Variants in CSTPP1 observed in about 807,000 individuals in gnomAD.
The protein encoded by CSTPP1 is centriolar satellite-associated tubulin polyglutamylase complex regulator 1.
chr11:47,060,522 C>T, the CSTPP1 span, among the ~76,000 whole-genome samples: 60 of 152,136 alleles, frequency 3.9e-4, 3 homozygotes, highest in African/African-American at 1.3e-3. Flanking sequence ...AGGTGTGAGC[C>T]ACCACTCTCA....
At chr11:47,034,089 T>C in the CSTPP1 span, among the ~76,000 whole-genome samples, 3 of 151,316 alleles carry the variant, frequency 2.0e-5, no homozygotes, top group Non-Finnish European at 4.4e-5. Flanking sequence ...CCCTAGAACT[T>C]AAAGTATAAT....
chr11:47,158,885 C>T, the CSTPP1 span, among the ~76,000 whole-genome samples: 7 of 152,178 alleles, frequency 4.6e-5, no homozygotes, highest in Non-Finnish European at 7.3e-5. Context: ...CTTGGGATCC[C>T]AGGTGCCTGA....
the CSTPP1 span, chr11:47,160,783 A>G: frequency 6.4e-6 from 2 of 311,650 alleles, no homozygotes; most frequent in Non-Finnish European, 6.1e-6. Flanking sequence ...AGCCTGGACC[A>G]TATCCTTTTC....
chr11:47,005,187 A>T, the CSTPP1 span, among the ~76,000 whole-genome samples: 1 of 152,228 alleles, frequency 6.6e-6, no homozygotes, highest in Non-Finnish European at 1.5e-5. Flanking sequence ...ACTTTTTAAG[A>T]TAGTGGTTTT....
chr11:47,031,588 T>C, the CSTPP1 span, among the ~76,000 whole-genome samples: 1 of 152,062 alleles, frequency 6.6e-6, no homozygotes, highest in African/African-American at 2.4e-5. Flanking sequence ...TCCCAGCTAC[T>C]TGGGAGGCTG....
the CSTPP1 span, among the ~76,000 whole-genome samples, chr11:47,130,381 A>G: frequency 6.6e-6 from 1 of 152,110 alleles, no homozygotes; most frequent in Non-Finnish European, 1.5e-5. Context: ...ACTTTACCCC[A>G]CAGGTGTCAT....
the CSTPP1 span, among the ~76,000 whole-genome samples, chr11:47,069,624 G>A: frequency 1.3e-5 from 2 of 152,172 alleles, no homozygotes; most frequent in Admixed American, 6.5e-5. Flanking sequence ...GATATTTCAT[G>A]CTTTGAAGGA....
chr11:47,077,698 G>T, the CSTPP1 span, among the ~76,000 whole-genome samples: 3 of 152,142 alleles, frequency 2.0e-5, no homozygotes, highest in African/African-American at 4.8e-5. Context: ...GAAGGTAGTT[G>T]CAGGACAACA....
At chr11:47,087,348 T>G in the CSTPP1 span, among the ~76,000 whole-genome samples, 2 of 152,260 alleles carry the variant, frequency 1.3e-5, no homozygotes, top group African/African-American at 4.8e-5. Context: ...CTTAACCACC[T>G]GAGCCTTTTG....
the CSTPP1 span, chr11:47,155,659 C>T: frequency 2.8e-5 from 6 of 218,018 alleles, no homozygotes; most frequent in South Asian, 8.4e-5. Context: ...GACAAGCTCA[C>T]AGAAGTAGTA....
At chr11:47,096,766 C>T in the CSTPP1 span, among the ~76,000 whole-genome samples, 5 of 146,678 alleles carry the variant, frequency 3.4e-5, no homozygotes, top group African/African-American at 1.3e-4. Context: ...AATCTCCTCT[C>T]AATTATGTCA....
At chr11:47,048,827 AT>A in the CSTPP1 span, among the ~76,000 whole-genome samples, 2 of 152,192 alleles carry the variant, frequency 1.3e-5, no homozygotes, top group African/African-American at 4.8e-5. Context: ...TAAATGATAA[AT>A]ATTATGTATA....
At chr11:46,998,928 GA>G in the CSTPP1 span, among the ~76,000 whole-genome samples, 9 of 151,978 alleles carry the variant, frequency 5.9e-5, no homozygotes, top group Non-Finnish European at 1.3e-4. Flanking sequence ...TTTTAGTAGA[GA>G]GGGGGCTTCA....
chr11:46,993,670 G>A, the CSTPP1 span, among the ~76,000 whole-genome samples: 1 of 152,066 alleles, frequency 6.6e-6, no homozygotes, highest in Non-Finnish European at 1.5e-5. Flanking sequence ...TGCTGTTTTG[G>A]TTACTGTAGC....
chr11:47,111,056 A>T, the CSTPP1 span, among the ~76,000 whole-genome samples: 34 of 151,718 alleles, frequency 2.2e-4, no homozygotes, highest in Admixed American at 1.1e-3. Flanking sequence ...CTCCTGGCTA[A>T]TTTTTTTGTA....
the CSTPP1 span, among the ~76,000 whole-genome samples, chr11:47,026,936 T>C: frequency 1.3e-5 from 2 of 152,052 alleles, no homozygotes; most frequent in African/African-American, 4.8e-5. Flanking sequence ...CACAATTTTG[T>C]TTCCTTTTTT....
the CSTPP1 span, among the ~76,000 whole-genome samples, chr11:47,102,328 G>A: frequency 1.8e-4 from 27 of 151,672 alleles, no homozygotes; most frequent in Middle Eastern, 3.4e-3. Flanking sequence ...TAGAACAGAA[G>A]TGTAATTGTG....
At chr11:47,157,215 A>G in the CSTPP1 span, 1 of 1,575,564 alleles carries the variant, frequency 6.3e-7, no homozygotes, top group Admixed American at 1.8e-5. Context: ...CGGCACAAGT[A>G]CAGGTGAGGA....
chr11:47,140,962 G>A, the CSTPP1 span, among the ~76,000 whole-genome samples: 6 of 151,972 alleles, frequency 3.9e-5, no homozygotes, highest in African/African-American at 7.2e-5. Flanking sequence ...TTAGCCGGGC[G>A]TGTTGGCGGG....
Sources: allele counts gnomAD v4.1 joint callset (sites outside exome capture counted in the v4.1 genomes callset), GRCh38; gene constraint gnomAD v4.1.1; transcripts MANE v1.5; gene names NCBI Gene and HGNC (gene_info 2026-07-23, HGNC 2026-07-21).